Variants in STAB2 observed in about 807,000 individuals in gnomAD.
The protein encoded by STAB2 is stabilin-2.
A neutral mutation model predicts 338.1 loss-of-function variants in STAB2; 288 were observed. The ratio of observed to expected loss-of-function variants is 0.85; its 90% CI spans 0.77 to 0.94. The LOEUF is 0.94. Ranked by LOEUF, STAB2 falls within the 40% of genes least tolerant of loss-of-function variation. The pLI is 0.00. For synonymous variants in STAB2, 1,202 were observed against 1,193.3 expected, an observed-to-expected ratio of 1.01 and a Z score of -0.15; for missense variants, 3,141 against 3,210.1, an observed-to-expected ratio of 0.98 and a Z score of 0.52.
Position 103,758,269 on chromosome 12 carries a change from A to G in STAB2, c.7087A>G (p.Ser2363Gly). 3 of 1,613,936 alleles carry G rather than the reference A, an allele frequency of 1.9e-6. No individual in the cohort carries two copies. The highest frequency in any genetic ancestry group is 2.5e-6 in the Non-Finnish European group (3 of 1,180,024). Residue 2363 changes from serine (S) to glycine (G), a missense_variant, in exon 64 of 69, where the codon AGT becomes GGT. Coordinates refer to ENST00000388887, the MANE Select transcript of STAB2 (RefSeq NM_017564.10). Reference sequence around the variant, plus strand: ...CGGCACCCTCTTTGTGCCACAGAACAGTGGGCTGGGGGAGAATGAGGTGAG... The same window carrying G: ...CGGCACCCTCTTTGTGCCACAGAACGGTGGGCTGGGGGAGAATGAGGTGAG... ...IRGTLFVPQN[S>G]GLGENETLSG...
At chr12:103,763,722 A>G in intron 68 of STAB2, 114 bp downstream of exon 68, 1 of 1,040,678 alleles carries the variant, frequency 9.6e-7, no homozygotes, top group South Asian at 1.6e-5. Flanking sequence ...TCTAGAATGT[A>G]TGTCAGGTAA....
chr12:103,691,894 G>A (rs899764757), intron 30 of STAB2, among the ~76,000 whole-genome samples: 10 of 123,590 alleles, frequency 8.1e-5, no homozygotes, highest in African/African-American at 3.2e-4. Flanking sequence ...TCCAGTTGGT[G>A]TTGATTGGTG....
intron 15 of STAB2, among the ~76,000 whole-genome samples, chr12:103,658,646 G>A (rs1260313018): frequency 1.3e-5 from 2 of 152,064 alleles, no homozygotes; most frequent in Non-Finnish European, 2.9e-5. Flanking sequence ...CTTGCAGAAG[G>A]TTACACACAA....
chr12:103,739,700 T>A (rs1882432767), intron 54 of STAB2, among the ~76,000 whole-genome samples: 1 of 152,190 alleles, frequency 6.6e-6, no homozygotes, highest in African/African-American at 2.4e-5. Context: ...TCTAGAAAAG[T>A]CATGGGATGG....
intron 28 of STAB2, 24 bp from the exon 29 acceptor site, chr12:103,689,822 C>CT: frequency 1.2e-6 from 2 of 1,608,072 alleles, no homozygotes; most frequent in Non-Finnish European, 1.7e-6. Context: ...AAGCAGGTCA[C>CT]TTTATTTTCC....
At chr12:103,747,074 A>G (rs1185431393) in intron 58 of STAB2, among the ~76,000 whole-genome samples, 1 of 150,392 alleles carries the variant, frequency 6.6e-6, no homozygotes, top group South Asian at 2.1e-4. Flanking sequence ...CTCCTGCCTC[A>G]GCCTCCCAAG....
intron 51 of STAB2, among the ~76,000 whole-genome samples, chr12:103,735,235 G>A (rs1882016761): frequency 1.3e-5 from 2 of 152,114 alleles, no homozygotes; most frequent in Non-Finnish European, 2.9e-5. Flanking sequence ...AGACTCCCAA[G>A]CATAGATGGG....
At chr12:103,645,100 A>C (rs1259089839) in intron 9 of STAB2, among the ~76,000 whole-genome samples, 1 of 152,260 alleles carries the variant, frequency 6.6e-6, no homozygotes, top group African/African-American at 2.4e-5. Flanking sequence ...CTATATACTA[A>C]CTAAATCTCA....
chr12:103,631,811 T>A, intron 6 of STAB2, 118 bp downstream of exon 6: 1 of 871,760 alleles, frequency 1.1e-6, no homozygotes. Flanking sequence ...AAAAGTTTTC[T>A]GGAAAGAAAC....
chr12:103,753,413 C>CTTTATTTTTTTTTTTTTTTTTT, intron 61 of STAB2, 60 bp downstream of exon 61: 1 of 1,610,234 alleles, frequency 6.2e-7, no homozygotes, highest in Non-Finnish European at 8.5e-7. Context: ...AAGTGCAGCC[C>CTTTATTTTTTTTTTTTTTTTTT]TTTCTTAAGA....
intron 39 of STAB2, among the ~76,000 whole-genome samples, chr12:103,710,975 C>T (rs1490491147): frequency 6.6e-6 from 1 of 152,198 alleles, no homozygotes; most frequent in Non-Finnish European, 1.5e-5. Context: ...TGTGTACCTG[C>T]TGTGTGCAAA....
chr12:103,683,602 C>G (rs1272799652), intron 26 of STAB2, among the ~76,000 whole-genome samples: 2 of 152,196 alleles, frequency 1.3e-5, no homozygotes, highest in African/African-American at 4.8e-5. Context: ...CTTATAATTA[C>G]TCATTTTTCA....
In STAB2 at chr12:103,640,112, G is replaced by A. The variant is rs1264843789; in HGVS notation, c.907-11G>A. 1.9e-6 allele frequency: 3 copies of A among 1,597,988 alleles called. No individual in the cohort carries two copies. The Admixed American group carries it at 5.2e-5, about 28-fold the overall frequency. ...GGATCCTATTTGTTTTTCTCTTCCTGTCTACTGAAGTCTCACTGCGAGTGT... is the reference window on the plus strand; with the variant it reads ...GGATCCTATTTGTTTTTCTCTTCCTATCTACTGAAGTCTCACTGCGAGTGT... On this transcript the variant is annotated splice_polypyrimidine_tract_variant and intron_variant, in intron 8 of 68. Transcript: ENST00000388887.
chr12:103,724,075 C>T (rs1385093203), intron 44 of STAB2, among the ~76,000 whole-genome samples: 2 of 151,976 alleles, frequency 1.3e-5, no homozygotes, highest in South Asian at 2.1e-4. Context: ...AAGGGAAAGG[C>T]GGTGATCCAG....
At chr12:103,633,607 G>A (rs1462801523) in intron 6 of STAB2, among the ~76,000 whole-genome samples, 8 of 151,546 alleles carry the variant, frequency 5.3e-5, no homozygotes, top group Admixed American at 1.3e-4. Flanking sequence ...GCTCGAACCC[G>A]GGAGGTGGAG....
chr12:103,587,336 G>C lies in STAB2; in HGVS notation c.-141G>C, dbSNP rs527610919. On this transcript the variant is annotated 5_prime_UTR_variant, in exon 1 of 69. Coordinates refer to ENST00000388887, the MANE Select transcript of STAB2 (RefSeq NM_017564.10). ...GCAGGTCTCACCTATCTCCTGGTTC[G>C]ATCTAGGAAAAAGGAAAGGAAGGGA... is the stretch of plus-strand genomic sequence containing the variant. 2.8e-6 allele frequency: 2 copies of C among 724,652 alleles called. No homozygotes were observed. Among genetic ancestry groups the C allele is most frequent in the East Asian group, 2.7e-5 (1 of 36,698 alleles). 44.9% of individuals were successfully genotyped at this position (724,652 alleles called of 1,614,324 possible).
chr12:103,591,063 T>C, intron 2 of STAB2, 33 bp downstream of exon 2: 1 of 1,611,382 alleles, frequency 6.2e-7, no homozygotes, highest in Non-Finnish European at 8.5e-7. Context: ...GATGGAACTA[T>C]GAATCCAACT....
At chr12:103,593,858 A>G (rs1464049033) in intron 2 of STAB2, among the ~76,000 whole-genome samples, 2 of 152,244 alleles carry the variant, frequency 1.3e-5, no homozygotes, top group Non-Finnish European at 2.9e-5. Flanking sequence ...CTCAGCTGGC[A>G]CTAGAAACTC....
At chr12:103,598,279 GAGA>G (rs1956906094) in intron 3 of STAB2, among the ~76,000 whole-genome samples, 1 of 152,178 alleles carries the variant, frequency 6.6e-6, no homozygotes, top group South Asian at 2.1e-4. Context: ...AGTTTCTTAG[GAGA>G]TAAAGTTACA....
Sources: allele counts gnomAD v4.1 joint callset (sites outside exome capture counted in the v4.1 genomes callset), GRCh38; gene constraint gnomAD v4.1.1; transcripts MANE v1.5; gene names NCBI Gene and HGNC (gene_info 2026-07-23, HGNC 2026-07-21).